L3MBTL3: variants seen among roughly 807,000 people sequenced by gnomAD.
L3MBTL3 encodes the protein lethal(3)malignant brain tumor-like protein 3.
L3MBTL3 carries 27 observed loss-of-function variants against 102.3 expected under a neutral mutation model. The ratio of observed to expected loss-of-function variants is 0.26; its 90% CI spans 0.19 to 0.36. The LOEUF (loss-of-function observed/expected upper bound fraction) is 0.36. Ranked by LOEUF, L3MBTL3 falls within the 10% of genes least tolerant of loss-of-function variation. The probability of loss-of-function intolerance (pLI) is 1.00; values close to 1 mark genes in which losing one functional copy is unlikely to be tolerated. For synonymous variants in L3MBTL3, 340 were observed against 320.9 expected (o/e 1.06, Z -0.64); for missense variants, 798 against 955.3 (o/e 0.84, Z 2.17).
chr6:130,108,028 G>A (rs1256130982), intron 19 of L3MBTL3, among the ~76,000 whole-genome samples: 1 of 152,118 alleles, frequency 6.6e-6, no homozygotes, highest in Non-Finnish European at 1.5e-5. Context: ...GTGGTGATTA[G>A]GAACATGGGG....
intron 19 of L3MBTL3, among the ~76,000 whole-genome samples, chr6:130,112,117 A>G (rs1406002597): frequency 6.6e-6 from 1 of 152,220 alleles, no homozygotes; most frequent in East Asian, 1.9e-4. Flanking sequence ...CTGATCATCC[A>G]GATTTTGGAC....
At chr6:130,038,775 A>G (rs1780222537) in intron 2 of L3MBTL3, among the ~76,000 whole-genome samples, 1 of 152,024 alleles carries the variant, frequency 6.6e-6, no homozygotes, top group Non-Finnish European at 1.5e-5. Context: ...TTAGTTTCGT[A>G]TAATCCCAGT....
chr6:130,121,338 G>A (rs1386880863), intron 20 of L3MBTL3, among the ~76,000 whole-genome samples: 2 of 151,948 alleles, frequency 1.3e-5, no homozygotes, highest in Non-Finnish European at 1.5e-5. Flanking sequence ...TTTTTTTTCT[G>A]TTCCTGCATT....
At chr6:130,136,694 T>C (rs923761336) in intron 22 of L3MBTL3, among the ~76,000 whole-genome samples, 1 of 152,098 alleles carries the variant, frequency 6.6e-6, no homozygotes, top group African/African-American at 2.4e-5. Flanking sequence ...ATTAGCTCAC[T>C]GCAACCTCTG....
intron 19 of L3MBTL3, among the ~76,000 whole-genome samples, chr6:130,115,775 T>C (rs1354000784): frequency 6.6e-6 from 1 of 152,264 alleles, no homozygotes; most frequent in Non-Finnish European, 1.5e-5. Flanking sequence ...TATGATTGTA[T>C]TTCCATTCAA....
chr6:130,127,709 G>A (rs940741598), intron 20 of L3MBTL3, among the ~76,000 whole-genome samples: 2 of 151,910 alleles, frequency 1.3e-5, no homozygotes, highest in East Asian at 1.9e-4. Flanking sequence ...TGATATTAAC[G>A]AGACCCAGCG....
intron 19 of L3MBTL3, among the ~76,000 whole-genome samples, chr6:130,114,498 G>A (rs527901509): frequency 6.6e-6 from 1 of 152,094 alleles, no homozygotes; most frequent in African/African-American, 2.4e-5. Flanking sequence ...ATTCGTTAAG[G>A]CTTTTCATTT....
chr6:130,020,427 A>C (rs1451316570), intron 1 of L3MBTL3: 3 of 151,786 alleles, frequency 2.0e-5, no homozygotes, highest in Non-Finnish European at 4.4e-5. Context: ...TGGTGGTAAA[A>C]CTTTAATTAC....
At chr6:130,046,014 A>G (rs1320323282) in intron 3 of L3MBTL3, among the ~76,000 whole-genome samples, 2 of 152,230 alleles carry the variant, frequency 1.3e-5, no homozygotes, top group Non-Finnish European at 2.9e-5. Flanking sequence ...TCTCAGCGCC[A>G]GCTGTAAGAA....
intron 22 of L3MBTL3, among the ~76,000 whole-genome samples, chr6:130,135,097 AGAT>A (rs939312028): frequency 7.6e-6 from 1 of 131,926 alleles, no homozygotes; most frequent in Non-Finnish European, 1.6e-5. Flanking sequence ...TTTTAAATCG[AGAT>A]GGAGTCTTGC....
At chr6:130,092,992 A>T in intron 17 of L3MBTL3, 133 bp downstream of exon 17, 2 of 514,022 alleles carry the variant, frequency 3.9e-6, no homozygotes, top group Non-Finnish European at 6.9e-6. Context: ...CCTTCCTTTT[A>T]CTACATTTTA....
chr6:130,064,040 C>T (rs1366624810), intron 10 of L3MBTL3, among the ~76,000 whole-genome samples: 4 of 152,126 alleles, frequency 2.6e-5, no homozygotes, highest in Non-Finnish European at 4.4e-5. Flanking sequence ...ACTTCACAAA[C>T]GTGGAATACA....
intron 14 of L3MBTL3, among the ~76,000 whole-genome samples, chr6:130,080,486 C>T (rs1783263873): frequency 6.6e-6 from 1 of 152,088 alleles, no homozygotes; most frequent in Non-Finnish European, 1.5e-5. Flanking sequence ...TTCCGTACCA[C>T]CATTTTTGGT....
intron 7 of L3MBTL3, among the ~76,000 whole-genome samples, chr6:130,054,735 G>A (rs1387749619): frequency 6.6e-6 from 1 of 152,192 alleles, no homozygotes; most frequent in African/African-American, 2.4e-5. Context: ...GTAAGGAAGA[G>A]GAAGCTGAGG....
chr6:130,108,529 G>C (rs375123384), intron 19 of L3MBTL3, among the ~76,000 whole-genome samples: 39 of 152,014 alleles, frequency 2.6e-4, no homozygotes, highest in Middle Eastern at 3.4e-3. Flanking sequence ...CAATGTCCCC[G>C]GCCAAATGTT....
chr6:130,042,908 G>A, intron 3 of L3MBTL3, 107 bp downstream of exon 3: 2 of 729,866 alleles, frequency 2.7e-6, no homozygotes, highest in Non-Finnish European at 2.3e-6. Context: ...TAATCATAGT[G>A]GTGTAGGTTT....
chr6:130,094,331 G>C lies in L3MBTL3; in HGVS notation c.1700G>C (p.Gly567Ala). 6.2e-7 allele frequency: 1 copy of C among 1,613,826 alleles called. No homozygotes were observed. Among genetic ancestry groups the C allele is most frequent in the Non-Finnish European group, 8.5e-7 (1 of 1,179,802 alleles). Residue 567 changes from glycine (G) to alanine (A), a missense_variant, in exon 18 of 23, where the codon GGC becomes GCC. By Grantham distance (60) the Gly-to-Ala change is moderately conservative. This residue lies in a region of L3MBTL3 where 306 missense variants were observed against 314.4 expected (regional missense o/e 0.97). Transcript: ENST00000361794. ...GCSTPGCKGI[G>A]HFKRARHLGP... ...TCAACCCCGGGATGTAAAGGGATTG[G>C]CCATTTCAAGAGAGCGAGACATCTG... is the stretch of plus-strand genomic sequence containing the variant.
At chr6:130,078,700 A>T in intron 14 of L3MBTL3, 66 bp downstream of exon 14, 2 of 1,055,002 alleles carry the variant, frequency 1.9e-6, no homozygotes. Context: ...CTTTTTCTGT[A>T]AAGGGCCAGA....
chr6:130,051,142 ATTC>A, intron 5 of L3MBTL3, 104 bp from the exon 6 acceptor site: 1 of 875,938 alleles, frequency 1.1e-6, no homozygotes, highest in Admixed American at 2.5e-5. Context: ...AGCAAACACT[ATTC>A]TTTATTGTGT....
Sources: allele counts gnomAD v4.1 joint callset (sites outside exome capture counted in the v4.1 genomes callset), GRCh38; gene constraint gnomAD v4.1.1; regional missense constraint gnomAD v4.1.1; transcripts MANE v1.5; gene names NCBI Gene and HGNC (gene_info 2026-07-23, HGNC 2026-07-21).